PLG: variants seen among roughly 807,000 people sequenced by gnomAD.
PLG encodes the protein plasminogen.
PLG carries 41 observed loss-of-function variants against 104.4 expected under a neutral mutation model. That is an observed-to-expected ratio of 0.39 (90% confidence interval 0.31 to 0.51). The LOEUF is 0.51. Among genes scored for constraint, PLG ranks in the 20% least tolerant of loss-of-function variants. The probability of loss-of-function intolerance (pLI) is 0.76; values close to 1 mark genes in which losing one functional copy is unlikely to be tolerated. For synonymous variants in PLG, 337 were observed against 357.1 expected (o/e 0.94, Z 0.63); for missense variants, 891 against 1,003.6 (o/e 0.89, Z 1.52).
Position 160,752,502 on chromosome 6 carries a change from G to T in PLG, c.2271+242G>T, listed in dbSNP as rs1283322065. Among the ~76,000 whole-genome samples, 1 of 152,134 alleles carries T rather than the reference G, an allele frequency of 6.6e-6. No individual in the cohort carries two copies. The highest frequency in any genetic ancestry group is 1.5e-5 in the Non-Finnish European group (1 of 68,030). ...GTTTTAAGTGCCATAACTACCTCAG[G>T]CCACTCACCCTCCTGGGGTGTGCTG... On this transcript the variant is annotated intron_variant, in intron 18 of 18. Transcript: ENST00000308192. This position sits in a 1 kb window ranked among gnomAD's most constrained non-coding sequence, Gnocchi z 4.7.
chr6:160,740,544 G>C lies in PLG; in HGVS notation c.2019-767G>C, dbSNP rs189845565. On this transcript the variant is annotated intron_variant, in intron 16 of 18. Coordinates refer to ENST00000308192, the MANE Select transcript of PLG (RefSeq NM_000301.5). The surrounding 1 kb of genome is among the most constrained non-coding windows in gnomAD (Gnocchi z 5.2). The stretch of plus-strand genomic sequence containing the variant: ...AGTGAGGACGTCTGCATGACAGGCT[G>C]GGCCTTCTGATGATGCTCAGAAGCA... Among the ~76,000 whole-genome samples the C allele has an allele frequency of 7.2e-5, 11 of 152,242 alleles. No homozygotes were observed. Among genetic ancestry groups the C allele is most frequent in the South Asian group, 2.1e-4 (1 of 4,820 alleles).
In PLG at chr6:160,738,333, A is replaced by G. The variant is rs889539912; in HGVS notation, c.1803-205A>G. ...TGTGCCTCCCCCAAGCATCGGAAAA[A>G]TTGGCATAGATGGGCCCTTCTCAAA... On this transcript the variant is annotated intron_variant, in intron 14 of 18. Coordinates refer to ENST00000308192, the MANE Select transcript of PLG (RefSeq NM_000301.5). The surrounding 1 kb of genome is among the most constrained non-coding windows in gnomAD (Gnocchi z 6.8). 25 of 581,220 alleles carry G rather than the reference A, an allele frequency of 4.3e-5. No individual in the cohort carries two copies. Among genetic ancestry groups the G allele is most frequent in the Admixed American group, 2.6e-4 (11 of 41,984 alleles). The allele number at this position is 581,220 out of a possible 1,614,324, so 36.0% of individuals were successfully genotyped here. A position where few individuals can be genotyped will look rare whatever the true frequency, so the allele number is the denominator to read the frequency against.
chr6:160,713,287 T>A, intron 5 of PLG, 162 bp downstream of exon 5: 1 of 632,322 alleles, frequency 1.6e-6, no homozygotes, highest in Non-Finnish European at 2.8e-6. Context: ...TTTTTTTTTC[T>A]GAGACAGAGT....
intron 5 of PLG, among the ~76,000 whole-genome samples, chr6:160,714,586 C>A (rs1051800643): frequency 1.3e-5 from 2 of 152,110 alleles, no homozygotes; most frequent in African/African-American, 2.4e-5. Context: ...GTGAATGTTA[C>A]GGTTTAAAAG....
rs370856655 is a variant in PLG at position 160,711,152 on chromosome 6, C to A, written c.368C>A (p.Thr123Asn). 8 of 1,612,326 alleles carry A rather than the reference C, an allele frequency of 5.0e-6. No individual in the cohort carries two copies. The highest frequency in any genetic ancestry group is 4.4e-5 in the South Asian group (4 of 91,050). Residue 123 changes from threonine (T) to asparagine (N), a missense_variant, in exon 4 of 19, where the codon ACC becomes AAC. Physicochemically the swap from Thr to Asn is moderately conservative, Grantham distance 65. Coordinates refer to ENST00000308192, the MANE Select transcript of PLG (RefSeq NM_000301.5). Reference protein sequence around the residue: ...GTMSKTKNGITCQKWSSTSPH... With the variant: ...GTMSKTKNGINCQKWSSTSPH... Reference sequence around the variant, plus strand: ...ATGTCCAAAACAAAAAATGGCATCACCTGTCAAAAATGGAGTTCCACTTCT... The same window carrying A: ...ATGTCCAAAACAAAAAATGGCATCAACTGTCAAAAATGGAGTTCCACTTCT...
chr6:160,714,474 G>GA lies in PLG; in HGVS notation c.548-320_548-319insA, dbSNP rs4252099. Among the ~76,000 whole-genome samples, 34,741 of 152,088 alleles carry GA rather than the reference G, an allele frequency of 0.23. 4,389 individuals are homozygous for GA. The highest frequency in any genetic ancestry group is 0.29 in the Non-Finnish European group (19,632 of 67,974). Reference sequence around the variant, plus strand: ...GACTCCTGGGAATATATGCACCCTTGGCTCCCCACTGGCCTGTGCATCCCG... The same window carrying GA: ...GACTCCTGGGAATATATGCACCCTTGAGCTCCCCACTGGCCTGTGCATCCCG... On this transcript the variant is annotated intron_variant, in intron 5 of 18. Coordinates refer to ENST00000308192, the MANE Select transcript of PLG (RefSeq NM_000301.5).
chr6:160,720,885 C>T (rs1465366313), intron 9 of PLG, among the ~76,000 whole-genome samples: 6 of 152,010 alleles, frequency 3.9e-5, no homozygotes, highest in African/African-American at 1.2e-4. Flanking sequence ...ATCTTGTAAG[C>T]TTGTTCTCTT....
At chr6:160,745,414 CT>C (rs1222075344) in intron 17 of PLG, among the ~76,000 whole-genome samples, 1 of 151,914 alleles carries the variant, frequency 6.6e-6, no homozygotes. Context: ...CCTTCTTTGT[CT>C]TTTTTGGTCT....
rs149324279 is a variant in PLG, at chr6:160,713,540, A to C, written c.547+415A>C. Among the ~76,000 whole-genome samples, 1,110 of 152,276 alleles carry C rather than the reference A, an allele frequency of 7.3e-3. 15 individuals carry two copies. Among genetic ancestry groups the C allele is most frequent in the African/African-American group, 0.026 (1,069 of 41,554 alleles). On this transcript the variant is annotated intron_variant, in intron 5 of 18. Coordinates refer to ENST00000308192, the MANE Select transcript of PLG (RefSeq NM_000301.5). ...TGCCTCAGCCTCTCAAAGTGCTGGGATTACAGGCATGAGCCACCATGCCCA... is the reference window on the plus strand; with the variant it reads ...TGCCTCAGCCTCTCAAAGTGCTGGGCTTACAGGCATGAGCCACCATGCCCA...
intron 17 of PLG, among the ~76,000 whole-genome samples, chr6:160,745,660 A>C (rs1225026300): frequency 6.6e-6 from 1 of 152,054 alleles, no homozygotes; most frequent in Non-Finnish European, 1.5e-5. Flanking sequence ...CAAGGTTAGT[A>C]TTGCTATGTG....
At chr6:160,722,040 C>A (rs1013464758) in intron 9 of PLG, among the ~76,000 whole-genome samples, 2 of 152,148 alleles carry the variant, frequency 1.3e-5, no homozygotes, top group Non-Finnish European at 2.9e-5. Flanking sequence ...GCTTTCATGT[C>A]TGCCCCCCAC....
intron 17 of PLG, among the ~76,000 whole-genome samples, chr6:160,748,467 G>T (rs1206564207): frequency 1.4e-5 from 2 of 143,802 alleles, no homozygotes. Flanking sequence ...GAGGGAGGGA[G>T]GGAGGGAGGA....
In PLG at chr6:160,731,295, C is replaced by G. The variant is rs1241800961; in HGVS notation, c.1438+63C>G. 1 of 1,387,430 alleles carries G rather than the reference C, an allele frequency of 7.2e-7. No homozygotes were observed. Among genetic ancestry groups the G allele is most frequent in the Non-Finnish European group, 1.0e-6 (1 of 974,440 alleles). 85.9% of individuals were successfully genotyped at this position (1,387,430 alleles called of 1,614,324 possible). A position where few individuals can be genotyped will look rare whatever the true frequency, so the allele number is the denominator to read the frequency against. ...GCTGGGATGAAAAGCCATGGAAAAT[C>G]TCACTGATGCAGAAACCTTCCATGC... On this transcript the variant is annotated intron_variant, in intron 11 of 18. Coordinates refer to ENST00000308192, the MANE Select transcript of PLG (RefSeq NM_000301.5). This position sits in a 1 kb window ranked among gnomAD's most constrained non-coding sequence, Gnocchi z 5.1.
chr6:160,748,860 C>A (rs1021384012), intron 17 of PLG, among the ~76,000 whole-genome samples: 1 of 152,188 alleles, frequency 6.6e-6, no homozygotes, highest in Admixed American at 6.5e-5. Flanking sequence ...CTCCCCATTA[C>A]ACAAACAATA....
At chr6:160,729,145 G>GA (rs57122790) in intron 10 of PLG, among the ~76,000 whole-genome samples, 31,999 of 151,942 alleles carry the variant, frequency 0.21, 3,980 homozygotes, top group Non-Finnish European at 0.29. Context: ...ATAAGCACCT[G>GA]AAAAAATGCT....
At chr6:160,748,853 C>T (rs1216815086) in intron 17 of PLG, among the ~76,000 whole-genome samples, 2 of 152,176 alleles carry the variant, frequency 1.3e-5, no homozygotes, top group Non-Finnish European at 1.5e-5. Context: ...GGCCACTCTC[C>T]CCATTACACA....
rs1227750593 is a variant in PLG, at chr6:160,734,082, C to T, written c.1675C>T (p.Gln559Ter). 6.3e-7 allele frequency: 1 copy of T among 1,587,736 alleles called. No individual in the cohort carries two copies. Among genetic ancestry groups the T allele is most frequent in the Non-Finnish European group, 8.6e-7 (1 of 1,156,380 alleles). ...ACTTTACGACTACTGTGATGTCCCTCAGTGTGGTAGGTTGCCTTCTTTTTG... is the reference window on the plus strand; with the variant it reads ...ACTTTACGACTACTGTGATGTCCCTTAGTGTGGTAGGTTGCCTTCTTTTTG... Reference protein sequence around the residue: ...RKLYDYCDVPQCAAPSFDCGK... With the variant: ...RKLYDYCDVP Residue 559 changes from glutamine (Q) to a stop codon, truncating the protein, a stop_gained, in exon 13 of 19, where the codon CAG becomes TAG. Transcript: ENST00000308192. LOFTEE classifies it high-confidence loss of function. This position sits in a 1 kb window ranked among gnomAD's most constrained non-coding sequence, Gnocchi z 4.4.
At position 160,736,805 on chromosome 6, in the gene PLG, A is replaced by G. The variant is rs1300221748; in HGVS notation, c.1682-82A>G. On this transcript the variant is annotated intron_variant, in intron 13 of 18. Coordinates refer to ENST00000308192, the MANE Select transcript of PLG (RefSeq NM_000301.5). The surrounding 1 kb of genome is among the most constrained non-coding windows in gnomAD (Gnocchi z 5.2). ...TCGGCCTTTAAGATGTCAAAAACTCAGTGCTTGGAATTTGTCTCGAATTAC... is the reference window on the plus strand; with the variant it reads ...TCGGCCTTTAAGATGTCAAAAACTCGGTGCTTGGAATTTGTCTCGAATTAC... The G allele has an allele frequency of 2.7e-5, 43 of 1,571,260 alleles. No homozygotes were observed. Among genetic ancestry groups the G allele is most frequent in the Non-Finnish European group, 3.6e-5 (41 of 1,143,314 alleles).
chr6:160,731,888 A>G lies in PLG; in HGVS notation c.1582A>G (p.Lys528Glu). 1 of 1,614,116 alleles carries G rather than the reference A, an allele frequency of 6.2e-7. No individual in the cohort carries two copies. Among genetic ancestry groups the G allele is most frequent in the Non-Finnish European group, 8.5e-7 (1 of 1,179,992 alleles). Reference protein sequence around the residue: ...PETNPRAGLEKNYCRNPDGDV... With the variant: ...PETNPRAGLEENYCRNPDGDV... ...GACAAATCCACGGGCGGGTCTGGAA[A>G]AAAATGTAAGCCACTTTGATTTGGA... Residue 528 changes from lysine to glutamate, a missense_variant, in exon 12 of 19, where the codon AAA (lysine) becomes GAA (glutamate). Around this residue, in one of 2 missense-constraint regions of PLG, gnomAD observed 854 missense variants for 932.1 expected, o/e 0.92. Coordinates refer to ENST00000308192, the MANE Select transcript of PLG (RefSeq NM_000301.5). The surrounding 1 kb of genome is among the most constrained non-coding windows in gnomAD (Gnocchi z 5.1).
Sources: gnomAD v4.1 joint callset for allele counts (sites outside exome capture counted in the v4.1 genomes callset) on GRCh38, gnomAD v4.1.1 for gene constraint, gnomAD v4.1.1 regional missense constraint, Gnocchi (gnomAD v3.1) non-coding constraint, MANE v1.5 for transcripts, NCBI Gene and HGNC (gene_info 2026-07-23, HGNC 2026-07-21) for gene names.